Variants in NIPBL observed in about 807,000 individuals in gnomAD.
NIPBL encodes nipped-B-like protein.
In NIPBL, 19 loss-of-function variants were observed where a neutral mutation model predicts 321.8. The ratio of observed to expected loss-of-function variants is 0.06; its 90% CI spans 0.04 to 0.09. NIPBL has a LOEUF of 0.09. NIPBL is among the 10% of genes least tolerant of loss of function. The pLI, the probability that NIPBL is intolerant of heterozygous loss-of-function variation, is 1.00. For synonymous variants in NIPBL, 1,106 were observed against 1,114.1 expected (o/e 0.99, Z 0.14); for missense variants, 2,210 against 3,327.0 (o/e 0.66, Z 8.26).
At chr5:36,881,023 T>C (rs368050038) in intron 1 of NIPBL, among the ~76,000 whole-genome samples, 3 of 152,034 alleles carry the variant, frequency 2.0e-5, no homozygotes, top group African/African-American at 7.2e-5. Context: ...TGCTCAGTGC[T>C]GACACTGACA....
At chr5:37,055,759 T>C (rs893643579) in intron 42 of NIPBL, among the ~76,000 whole-genome samples, 3 of 152,094 alleles carry the variant, frequency 2.0e-5, no homozygotes, top group Admixed American at 1.3e-4. Context: ...CTCATGCTTG[T>C]AATCCCAGCA....
rs144289137 is a variant in NIPBL at position 36,984,901 on chromosome 5, A to G, written c.1721A>G (p.Asn574Ser). The change falls in exon 10 of 47, where the codon AAT (asparagine) becomes AGT (serine). Residue 574 changes from asparagine (N) to serine (S), a missense_variant. Transcript: ENST00000282516. ...IKKPEEIKQC[N>S]DAPVSVLQED... ...AAGCCTGAAGAAATCAAACAATGTA[A>G]TGATGCACCTGTTTCTGTTCTTCAG... 2.5e-6 allele frequency: 4 copies of G among 1,613,764 alleles called. No homozygotes were observed. Among genetic ancestry groups the G allele is most frequent in the African/African-American group, 2.7e-5 (2 of 74,890 alleles).
At chr5:37,039,416 G>T (rs1427509590) in intron 34 of NIPBL, among the ~76,000 whole-genome samples, 2 of 151,624 alleles carry the variant, frequency 1.3e-5, no homozygotes, top group African/African-American at 4.8e-5. Context: ...CTAAAATAAG[G>T]TGTGAGTAGT....
chr5:36,967,549 G>T (rs970580908), intron 6 of NIPBL, among the ~76,000 whole-genome samples: 1 of 152,042 alleles, frequency 6.6e-6, no homozygotes, highest in African/African-American at 2.4e-5. Context: ...TTACAATCTG[G>T]ATACCAAAAT....
At chr5:36,920,066 T>TA (rs1333034344) in intron 1 of NIPBL, among the ~76,000 whole-genome samples, 1 of 152,178 alleles carries the variant, frequency 6.6e-6, no homozygotes, top group Non-Finnish European at 1.5e-5. Context: ...TTGAAGCTAT[T>TA]ACAGTAGGCA....
intron 1 of NIPBL, among the ~76,000 whole-genome samples, chr5:36,907,007 A>G (rs1747689444): frequency 2.0e-5 from 3 of 152,180 alleles, no homozygotes; most frequent in African/African-American, 4.8e-5. Flanking sequence ...ACAGATGGTG[A>G]CTAGTAGAAT....
intron 1 of NIPBL, among the ~76,000 whole-genome samples, chr5:36,887,513 C>G (rs1170454016): frequency 6.6e-6 from 1 of 152,238 alleles, no homozygotes; most frequent in East Asian, 1.9e-4. Flanking sequence ...GACCACCTCT[C>G]CCCCGACCCT....
rs536109246 is a variant in NIPBL, at chr5:37,026,017, A to G, written c.5710-212A>G. Among the ~76,000 whole-genome samples, 13 of 152,252 alleles carry G rather than the reference A, an allele frequency of 8.5e-5. No homozygotes were observed. In the East Asian group the frequency reaches 2.5e-3, roughly 29 times the overall value. ...GCTAGGGATAGTATCACCCATTCGT[A>G]TTGTTTAAAATCTTTACCAAATTGA... On this transcript the variant is annotated intron_variant, in intron 30 of 46. Transcript: ENST00000282516.
At chr5:36,941,972 G>T (rs957206598) in intron 1 of NIPBL, among the ~76,000 whole-genome samples, 3 of 152,076 alleles carry the variant, frequency 2.0e-5, no homozygotes, top group African/African-American at 7.2e-5. Flanking sequence ...ATGTAGTGCA[G>T]GGGTCCAGTG....
rs138404850 is a variant in NIPBL, at chr5:37,046,153, A to G, written c.6543A>G (p.Thr2181=). ...TACTTGAACTATTGATGTATTTTAC[A>G]AAACACTCAGATGAAGAAGTACAAA... The part of the protein sequence containing the change: ...DKVLELLMYF[T]KHSDEEVQTK... Residue 2181 remains threonine (T), a synonymous_variant, in exon 38 of 47, where the codon ACA becomes ACG. Coordinates refer to ENST00000282516, the MANE Select transcript of NIPBL (RefSeq NM_133433.4). The G allele has an allele frequency of 1.9e-6, 3 of 1,583,460 alleles. No homozygotes were observed. The highest frequency in any genetic ancestry group is 2.6e-6 in the Non-Finnish European group (3 of 1,152,218).
chr5:36,959,278 C>T (rs1741326947), intron 4 of NIPBL, among the ~76,000 whole-genome samples: 1 of 152,192 alleles, frequency 6.6e-6, no homozygotes, highest in African/African-American at 2.4e-5. Flanking sequence ...TTGTTGGCAG[C>T]ACTTCCATGA....
intron 1 of NIPBL, among the ~76,000 whole-genome samples, chr5:36,879,856 G>A (rs565557441): frequency 2.0e-5 from 3 of 151,948 alleles, no homozygotes; most frequent in Non-Finnish European, 4.4e-5. Flanking sequence ...AATCAGAGTT[G>A]AACATTAAAT....
intron 1 of NIPBL, among the ~76,000 whole-genome samples, chr5:36,928,503 A>T (rs1441424576): frequency 1.3e-5 from 2 of 152,256 alleles, no homozygotes; most frequent in African/African-American, 2.4e-5. Flanking sequence ...AGAAATGTTT[A>T]GAGCTAGATA....
At chr5:37,062,728 T>G (rs765323222) in intron 45 of NIPBL, among the ~76,000 whole-genome samples, 11 of 152,186 alleles carry the variant, frequency 7.2e-5, no homozygotes, top group Non-Finnish European at 1.5e-4. Flanking sequence ...CAGGCCAGCC[T>G]GAGCAACAGG....
chr5:36,884,537 A>G (rs1030721928), intron 1 of NIPBL, among the ~76,000 whole-genome samples: 3 of 152,130 alleles, frequency 2.0e-5, no homozygotes, highest in Admixed American at 1.3e-4. Context: ...ACAGTTTTTT[A>G]CTTGTATCTC....
chr5:36,912,587 C>T (rs1000839995), intron 1 of NIPBL, among the ~76,000 whole-genome samples: 1 of 151,430 alleles, frequency 6.6e-6, no homozygotes, highest in Non-Finnish European at 1.5e-5. Flanking sequence ...CTGCAAGCTC[C>T]GCCTCCCGGA....
chr5:36,983,252 G>A (rs1222849207), intron 9 of NIPBL, among the ~76,000 whole-genome samples: 1 of 151,914 alleles, frequency 6.6e-6, no homozygotes, highest in Non-Finnish European at 1.5e-5. Context: ...AATGGAGCAT[G>A]TGTGGTGATA....
At chr5:37,058,681 T>A (rs1284136985) in intron 43 of NIPBL, among the ~76,000 whole-genome samples, 2 of 151,996 alleles carry the variant, frequency 1.3e-5, no homozygotes, top group East Asian at 3.9e-4. Flanking sequence ...TTTGAAGGAG[T>A]GGTTGTAGGG....
chr5:37,017,991 A>G (rs1355573089), intron 24 of NIPBL, among the ~76,000 whole-genome samples: 1 of 152,152 alleles, frequency 6.6e-6, no homozygotes, highest in African/African-American at 2.4e-5. Context: ...AGTTGCAGAC[A>G]TGATTCCCTC....
Sources: gnomAD v4.1 joint callset for allele counts (sites outside exome capture counted in the v4.1 genomes callset) on GRCh38, gnomAD v4.1.1 for gene constraint, MANE v1.5 for transcripts, NCBI Gene and HGNC (gene_info 2026-07-23, HGNC 2026-07-21) for gene names.